Variants in IGF1R observed in about 807,000 individuals in gnomAD.
IGF1R encodes insulin like growth factor 1 receptor.
IGF1R carries 44 observed loss-of-function variants against 144.6 expected under a neutral mutation model. That is an observed-to-expected ratio of 0.30 (90% confidence interval 0.24 to 0.39). IGF1R has a LOEUF of 0.39. IGF1R is among the 10% of genes least tolerant of loss of function. IGF1R has a pLI of 1.00. For missense variants in IGF1R, 1,355 were observed against 1,833.7 expected, an observed-to-expected ratio of 0.74 and a Z score of 4.77; for synonymous variants, 795 against 722.8, an observed-to-expected ratio of 1.10 and a Z score of -1.60.
intron 2 of IGF1R, among the ~76,000 whole-genome samples, chr15:98,793,412 T>C (rs2056169734): frequency 6.6e-6 from 1 of 152,258 alleles, no homozygotes; most frequent in African/African-American, 2.4e-5. Flanking sequence ...TGTAATCAGA[T>C]GTTCCTGTTA....
At position 98,957,434 on chromosome 15, in the gene IGF1R, ACCTGCTGAT is replaced by A; in HGVS notation, c.4100_*4del. ...GGCCTTGCCGCTGCCCCAGTCTTCG[ACCTGCTGAT>A]CCTTGGATCCTGAATCTGTGCAAAC... On this transcript the variant is annotated stop_lost and 3_prime_UTR_variant, in exon 21 of 21. Transcript: ENST00000650285. 6.2e-7 allele frequency: 1 copy of A among 1,612,930 alleles called. No homozygotes were observed. Among genetic ancestry groups the A allele is most frequent in the Non-Finnish European group, 8.5e-7 (1 of 1,180,032 alleles).
intron 2 of IGF1R, among the ~76,000 whole-genome samples, chr15:98,737,208 T>G (rs552060452): frequency 6.6e-6 from 1 of 152,286 alleles, no homozygotes; most frequent in East Asian, 1.9e-4. Flanking sequence ...ACTTACACAG[T>G]GGTAAACAAT....
chr15:98,691,569 G>A (rs1359081680), intron 1 of IGF1R, among the ~76,000 whole-genome samples: 1 of 152,028 alleles, frequency 6.6e-6, no homozygotes, highest in Non-Finnish European at 1.5e-5. Flanking sequence ...TCACCAGGTT[G>A]GGCAGGCTGG....
intron 2 of IGF1R, among the ~76,000 whole-genome samples, chr15:98,797,970 G>T (rs915561114): frequency 1.3e-5 from 2 of 152,244 alleles, no homozygotes; most frequent in Non-Finnish European, 2.9e-5. Flanking sequence ...CTGTGAATCA[G>T]CCATGAGAAG....
chr15:98,863,406 A>G (rs1160025512), intron 2 of IGF1R, among the ~76,000 whole-genome samples: 3 of 152,210 alleles, frequency 2.0e-5, no homozygotes, highest in Admixed American at 6.5e-5. Flanking sequence ...ACTTGAGACT[A>G]TCTAAACAAG....
Position 98,935,270 on chromosome 15 carries a change from A to G in IGF1R, c.3187-46A>G, listed in dbSNP as rs1415633065. The G allele has an allele frequency of 1.7e-6, 2 of 1,181,732 alleles. No individual in the cohort carries two copies. Among genetic ancestry groups the G allele is most frequent in the Non-Finnish European group, 2.3e-6 (2 of 878,584 alleles). 73.2% of individuals were successfully genotyped at this position (1,181,732 alleles called of 1,614,324 possible). Reference sequence around the variant, plus strand: ...GTTCCAGACAACACAGGCATCAGCAAGGGCCACCTGACCCTCTGAGTCTTT... The same window carrying G: ...GTTCCAGACAACACAGGCATCAGCAGGGGCCACCTGACCCTCTGAGTCTTT... On this transcript the variant is annotated intron_variant, in intron 16 of 20. Coordinates refer to ENST00000650285, the MANE Select transcript of IGF1R (RefSeq NM_000875.5). The surrounding 1 kb of genome is among the most constrained non-coding windows in gnomAD (Gnocchi z 4.2).
intron 2 of IGF1R, among the ~76,000 whole-genome samples, chr15:98,811,529 CAA>C (rs34508591): frequency 6.0e-5 from 8 of 134,278 alleles, no homozygotes; most frequent in Admixed American, 7.5e-5. Context: ...AACTCCATCT[CAA>C]AAAAAAAAAA....
rs34816681 is a variant in IGF1R at position 98,916,597 on chromosome 15, G to A, written c.1997-75G>A. ...ATCTTCTTGATTAAAGGTACTGAGA[G>A]CTATTATTTTTCCTTACAAGCATGT... On this transcript the variant is annotated intron_variant, in intron 9 of 20. Coordinates refer to ENST00000650285, the MANE Select transcript of IGF1R (RefSeq NM_000875.5). The A allele has an allele frequency of 3.9e-3, 4,858 of 1,235,806 alleles. 141 individuals are homozygous for A. In the African/African-American group the frequency reaches 0.061, roughly 15 times the overall value. The allele number at this position is 1,235,806 out of a possible 1,614,324, so 76.6% of individuals were successfully genotyped here.
In IGF1R at chr15:98,962,771, C is replaced by T. The variant is rs777443941; in HGVS notation, c.*5329C>T. The T allele has an allele frequency of 4.3e-6, 1 of 233,502 alleles. No homozygotes were observed. Among genetic ancestry groups the T allele is most frequent in the Non-Finnish European group, 8.5e-6 (1 of 118,036 alleles). 14.5% of individuals were successfully genotyped at this position (233,502 alleles called of 1,614,324 possible). A position where few individuals can be genotyped will look rare whatever the true frequency, so the allele number is the denominator to read the frequency against. ...GCTATCAGACCACATCGAGGCTCAG[C>T]AGTCATCCGTGGGCATTTGGTTTCA... is the stretch of plus-strand genomic sequence containing the variant. On this transcript the variant is annotated 3_prime_UTR_variant, in exon 21 of 21. Transcript: ENST00000650285.
In IGF1R at chr15:98,808,616, T is replaced by C. The variant is rs1282705750; in HGVS notation, c.641-82709T>C. Among the ~76,000 whole-genome samples the C allele has an allele frequency of 6.6e-5, 10 of 152,084 alleles. 1 individual carries two copies. The highest frequency in any genetic ancestry group is 1.5e-5 in the Non-Finnish European group (1 of 68,024). ...ACAAGGCCCTCACCCTTGAGGTGCC[T>C]ATAGTCGTGTGGAACCTAGGTCCTC... On this transcript the variant is annotated intron_variant, in intron 2 of 20. Coordinates refer to ENST00000650285, the MANE Select transcript of IGF1R (RefSeq NM_000875.5).
rs1442885994 is a variant in IGF1R at position 98,957,362 on chromosome 15, G to A, written c.4024G>A (p.Glu1342Lys). 1.3e-5 allele frequency: 21 copies of A among 1,612,310 alleles called. No individual in the cohort carries two copies. Among genetic ancestry groups the A allele is most frequent in the African/African-American group, 4.0e-5 (3 of 74,928 alleles). Residue 1342 changes from glutamate (E) to lysine (K), a missense_variant, in exon 21 of 21, where the codon GAG (glutamate) becomes AAG (lysine). Glu to Lys is a moderately conservative substitution (Grantham distance 56). Around this residue, in one of 7 missense-constraint regions of IGF1R, gnomAD observed 219 missense variants for 188.8 expected, o/e 1.16. Transcript: ENST00000650285. ...GVLVLRASFD[E>K]RQPYAHMNGG... ...GCTGGTCCTCCGCGCCAGCTTCGAC[G>A]AGAGACAGCCTTACGCCCACATGAA... is the stretch of plus-strand genomic sequence containing the variant.
intron 20 of IGF1R, among the ~76,000 whole-genome samples, chr15:98,955,570 G>A (rs1008322213): frequency 5.9e-5 from 9 of 152,180 alleles, no homozygotes; most frequent in South Asian, 2.1e-4. Context: ...GCAGGCCCCC[G>A]GGCTCTAGAA....
At chr15:98,753,380 C>CTTTTTTTTTTTTTTTTT (rs1173073572) in intron 2 of IGF1R, among the ~76,000 whole-genome samples, 32 of 60,290 alleles carry the variant, frequency 5.3e-4, no homozygotes, top group Middle Eastern at 0.017. Flanking sequence ...CCATACCTGG[C>CTTTTTTTTTTTTTTTTT]TTTTTTTTTT....
At chr15:98,748,096 G>T (rs568055381) in intron 2 of IGF1R, among the ~76,000 whole-genome samples, 1 of 152,258 alleles carries the variant, frequency 6.6e-6, no homozygotes, top group South Asian at 2.1e-4. Context: ...TTCTATCAGA[G>T]AAATGTTTCT....
intron 3 of IGF1R, among the ~76,000 whole-genome samples, chr15:98,895,222 C>CCACACACACACACA (rs10704966): frequency 7.0e-6 from 1 of 143,300 alleles, no homozygotes; most frequent in Admixed American, 7.0e-5. Flanking sequence ...TGACACAGCA[C>CCACACACACACACA]CACACACACA....
chr15:98,922,189 C>G lies in IGF1R; in HGVS notation c.2243C>G (p.Thr748Ser), dbSNP rs762821234. 6.2e-7 allele frequency: 1 copy of G among 1,614,230 alleles called. No individual in the cohort carries two copies. Among genetic ancestry groups the G allele is most frequent in the Non-Finnish European group, 8.5e-7 (1 of 1,180,044 alleles). ...AGAGATGTCATGCAAGTGGCCAACA[C>G]CACCATGTCCAGCCGAAGCAGGAAC... ...KRRDVMQVANTTMSSRSRNTT... is the reference protein window; with the variant it reads ...KRRDVMQVANSTMSSRSRNTT... Residue 748 changes from threonine to serine, a missense_variant, in exon 11 of 21, where the codon ACC becomes AGC. By Grantham distance (58) the Thr-to-Ser change is moderately conservative (BLOSUM62 1). Transcript: ENST00000650285.
chr15:98,714,073 C>T (rs931307609), intron 2 of IGF1R, among the ~76,000 whole-genome samples: 2 of 151,934 alleles, frequency 1.3e-5, no homozygotes, highest in African/African-American at 4.8e-5. Context: ...TTGGAGCCTT[C>T]GAGAAGGCAG....
intron 2 of IGF1R, among the ~76,000 whole-genome samples, chr15:98,836,950 A>G (rs2011103653): frequency 6.6e-6 from 1 of 152,186 alleles, no homozygotes; most frequent in Admixed American, 6.5e-5. Flanking sequence ...ACCACTGATG[A>G]TCTCTTAGCC....
In IGF1R at chr15:98,960,969, C is replaced by A. The variant is rs916043319; in HGVS notation, c.*3527C>A. On this transcript the variant is annotated 3_prime_UTR_variant, in exon 21 of 21. Transcript: ENST00000650285. ...TGCTGCTCACAGGACAGACGGCTCG[C>A]TCCCCTCTTCCAGCAGCTGCTCTTA... 1.7e-5 allele frequency: 4 copies of A among 233,706 alleles called. No homozygotes were observed. Among genetic ancestry groups the A allele is most frequent in the African/African-American group, 8.8e-5 (4 of 45,348 alleles). The allele number at this position is 233,706 out of a possible 1,614,324, so 14.5% of individuals were successfully genotyped here.
Sources: gnomAD v4.1 joint callset for allele counts (sites outside exome capture counted in the v4.1 genomes callset) on GRCh38, gnomAD v4.1.1 for gene constraint, gnomAD v4.1.1 regional missense constraint, Gnocchi (gnomAD v3.1) non-coding constraint, MANE v1.5 for transcripts, NCBI Gene and HGNC (gene_info 2026-07-23, HGNC 2026-07-21) for gene names.